SLC12A6: variants seen among roughly 807,000 people sequenced by gnomAD.
SLC12A6 encodes the protein K-Cl cotransporter 3.
In SLC12A6, 66 loss-of-function variants were observed where a neutral mutation model predicts 135.3. The ratio of observed to expected loss-of-function variants is 0.49; its 90% CI spans 0.40 to 0.60. The LOEUF (loss-of-function observed/expected upper bound fraction) is 0.60. Ranked by LOEUF, SLC12A6 falls within the 20% of genes least tolerant of loss-of-function variation. SLC12A6 has a pLI of 0.00. For missense variants in SLC12A6, 1,058 were observed against 1,452.3 expected, an observed-to-expected ratio of 0.73 and a Z score of 4.41; for synonymous variants, 513 against 508.8, an observed-to-expected ratio of 1.01 and a Z score of -0.11.
Position 34,232,171 on chromosome 15 carries a change from A to G in SLC12A6, c.*1710T>C, listed in dbSNP as rs1890994577. The G allele has an allele frequency of 6.6e-6, 1 of 152,234 alleles. No homozygotes were observed. The highest frequency in any genetic ancestry group is 1.5e-5 in the Non-Finnish European group (1 of 68,046). 9.4% of individuals were successfully genotyped at this position (152,234 alleles called of 1,614,324 possible). The stretch of plus-strand genomic sequence containing the variant: ...AGTAGTTTCCCTATGCTTGTAAGCC[A>G]GATGTTTGATCAGTATATTAGTAAA... On this transcript the variant is annotated 3_prime_UTR_variant, in exon 26 of 26. Coordinates refer to ENST00000354181, the MANE Select transcript of SLC12A6 (RefSeq NM_001365088.1).
chr15:34,284,194 G>A (rs1261744667), intron 2 of SLC12A6, among the ~76,000 whole-genome samples: 1 of 151,960 alleles, frequency 6.6e-6, no homozygotes, highest in East Asian at 1.9e-4. Context: ...ATGGAGGGAG[G>A]CAGGTTGATG....
intron 2 of SLC12A6, among the ~76,000 whole-genome samples, chr15:34,305,759 A>ATTTT (rs1161853179): frequency 2.2e-5 from 3 of 139,346 alleles, no homozygotes; most frequent in Non-Finnish European, 4.7e-5. Context: ...CTCCTCCAGC[A>ATTTT]TTTTTTTTTT....
At chr15:34,265,103 A>G (rs1038552667) in intron 3 of SLC12A6, among the ~76,000 whole-genome samples, 5 of 152,226 alleles carry the variant, frequency 3.3e-5, no homozygotes, top group African/African-American at 4.8e-5. Context: ...AGGCTGAGGC[A>G]GGAGAATGGC....
intron 2 of SLC12A6, among the ~76,000 whole-genome samples, chr15:34,321,388 A>G (rs1056371283): frequency 1.4e-4 from 21 of 152,230 alleles, no homozygotes; most frequent in African/African-American, 5.1e-4. Flanking sequence ...TGATTAAAGA[A>G]GGTGGGATGT....
chr15:34,292,918 TCA>T (rs998594847), intron 2 of SLC12A6, among the ~76,000 whole-genome samples: 9 of 152,170 alleles, frequency 5.9e-5, no homozygotes, highest in Non-Finnish European at 1.3e-4. Context: ...GCACAGTCAC[TCA>T]CGGCTTCCCT....
intron 7 of SLC12A6, among the ~76,000 whole-genome samples, chr15:34,255,821 T>A (rs77410988): frequency 1.1e-4 from 15 of 140,078 alleles, no homozygotes; most frequent in African/African-American, 1.9e-4. Context: ...AAAAAAAAAA[T>A]AGCCAGGCAT....
chr15:34,336,920 A>T lies in SLC12A6; in HGVS notation c.-72-168T>A, dbSNP rs576671324. On this transcript the variant is annotated intron_variant, in intron 1 of 25. Transcript: ENST00000354181. The stretch of plus-strand genomic sequence containing the variant: ...TTTTTAAGAGAGAAAAAAACAAAAA[A>T]CAAAAAGACAAAACAATGCCAATCT... 6.2e-5 allele frequency: 35 copies of T among 562,200 alleles called. 1 individual carries two copies. Among genetic ancestry groups the T allele is most frequent in the African/African-American group, 4.9e-4 (26 of 53,296 alleles). 34.8% of individuals were successfully genotyped at this position (562,200 alleles called of 1,614,324 possible).
At chr15:34,312,618 C>A (rs1888339078) in intron 2 of SLC12A6, among the ~76,000 whole-genome samples, 1 of 152,180 alleles carries the variant, frequency 6.6e-6, no homozygotes, top group Non-Finnish European at 1.5e-5. Flanking sequence ...TCTGCTTTTC[C>A]CTTCGAAACC....
chr15:34,318,837 C>T, intron 2 of SLC12A6: 1 of 1,503,534 alleles, frequency 6.7e-7, no homozygotes, highest in African/African-American at 1.4e-5. Flanking sequence ...ACGTGACCTA[C>T]AGCCCTGAGG....
intron 9 of SLC12A6, among the ~76,000 whole-genome samples, chr15:34,253,205 C>G (rs781377646): frequency 1.3e-5 from 2 of 152,186 alleles, no homozygotes; most frequent in African/African-American, 4.8e-5. Context: ...ACCTATTACT[C>G]AGCTTCAACA....
chr15:34,316,144 T>C (rs1423239646), intron 2 of SLC12A6, among the ~76,000 whole-genome samples: 1 of 149,482 alleles, frequency 6.7e-6, no homozygotes, highest in Non-Finnish European at 1.5e-5. Context: ...TTTTAAAGGA[T>C]GATTTACATT....
chr15:34,255,054 T>G (rs1457507417), intron 8 of SLC12A6, among the ~76,000 whole-genome samples: 1 of 152,108 alleles, frequency 6.6e-6, no homozygotes, highest in Non-Finnish European at 1.5e-5. Flanking sequence ...GGTGGCAGAG[T>G]GGTGGCAATC....
intron 2 of SLC12A6, among the ~76,000 whole-genome samples, chr15:34,323,499 CTA>C (rs1295347459): frequency 2.0e-5 from 3 of 152,140 alleles, no homozygotes; most frequent in Non-Finnish European, 4.4e-5. Flanking sequence ...TCCGAGGGAT[CTA>C]AATTATGTGC....
Position 34,238,386 on chromosome 15 carries a change from G to A in SLC12A6, c.2648C>T (p.Thr883Ile). The A allele has an allele frequency of 1.2e-6, 2 of 1,613,538 alleles. No homozygotes were observed. The highest frequency in any genetic ancestry group is 1.7e-6 in the Non-Finnish European group (2 of 1,179,490). The change falls in exon 21 of 26, where the codon ACA becomes ATA. Residue 883 changes from threonine (T) to isoleucine (I), a missense_variant. Thr to Ile is a moderately conservative substitution (Grantham distance 89, BLOSUM62 -1). Transcript: ENST00000354181. ...CAGCAGTGCAAGATGGGCAGCAGTTGTCACTCGAACTGTGCCTAGGGAGAA... is the reference window on the plus strand; with the variant it reads ...CAGCAGTGCAAGATGGGCAGCAGTTATCACTCGAACTGTGCCTAGGGAGAA... ...WKTFIGTVRV[T>I]TAAHLALLVA...
At chr15:34,312,127 T>C (rs184394758) in intron 2 of SLC12A6, among the ~76,000 whole-genome samples, 14 of 152,314 alleles carry the variant, frequency 9.2e-5, no homozygotes, top group Admixed American at 9.2e-4. Flanking sequence ...TGAAGGAAAG[T>C]AGTCCTTGAG....
At chr15:34,286,227 C>T (rs1286669751) in intron 2 of SLC12A6, among the ~76,000 whole-genome samples, 1 of 151,794 alleles carries the variant, frequency 6.6e-6, no homozygotes, top group African/African-American at 2.4e-5. Context: ...GCACGTGCCA[C>T]CATGCTCAAC....
chr15:34,237,983 TG>T (rs1276167847), intron 21 of SLC12A6, among the ~76,000 whole-genome samples: 1 of 152,218 alleles, frequency 6.6e-6, no homozygotes, highest in Non-Finnish European at 1.5e-5. Flanking sequence ...GTTCACTTGT[TG>T]TTTTCCCCTA....
intron 11 of SLC12A6, 65 bp from the exon 12 acceptor site, chr15:34,250,794 C>A (rs1892331793): frequency 1.5e-6 from 2 of 1,370,644 alleles, no homozygotes; most frequent in African/African-American, 1.4e-5. Flanking sequence ...ATACTGATAG[C>A]AAAGAGTAGA....
At chr15:34,245,495 A>G in intron 14 of SLC12A6, 92 bp from the exon 15 acceptor site, 2 of 905,904 alleles carry the variant, frequency 2.2e-6, no homozygotes, top group Admixed American at 1.7e-5. Context: ...CTGGAAGACA[A>G]CAGTGTTACA....
Sources: allele counts gnomAD v4.1 joint callset (sites outside exome capture counted in the v4.1 genomes callset), GRCh38; gene constraint gnomAD v4.1.1; transcripts MANE v1.5; gene names NCBI Gene and HGNC (gene_info 2026-07-23, HGNC 2026-07-21).